The following RABGAP1L variants were observed in gnomAD, a reference collection of about 807,000 sequenced individuals.
RABGAP1L encodes rab GTPase-activating protein 1-like.
RABGAP1L carries 63 observed loss-of-function variants against 137.7 expected under a neutral mutation model. The ratio of observed to expected loss-of-function variants is 0.46; its 90% CI spans 0.37 to 0.56. RABGAP1L has a LOEUF of 0.56. Ranked by LOEUF, RABGAP1L falls within the 20% of genes least tolerant of loss-of-function variation. RABGAP1L has a pLI of 0.00. For synonymous variants in RABGAP1L, 431 were observed against 433.7 expected, an observed-to-expected ratio of 0.99 and a Z score of 0.08; for missense variants, 1,095 against 1,244.0, an observed-to-expected ratio of 0.88 and a Z score of 1.80.
intron 18 of RABGAP1L, among the ~76,000 whole-genome samples, chr1:174,769,264 A>G (rs1336183261): frequency 6.6e-6 from 1 of 152,052 alleles, no homozygotes; most frequent in East Asian, 1.9e-4. Flanking sequence ...GGTTGGGGGC[A>G]CAATCATAGG....
intron 1 of RABGAP1L, among the ~76,000 whole-genome samples, chr1:174,179,229 G>A (rs1666147572): frequency 6.6e-6 from 1 of 151,830 alleles, no homozygotes; most frequent in African/African-American, 2.4e-5. Context: ...ACTGTCAGTT[G>A]TTTTCTTCGA....
intron 13 of RABGAP1L, among the ~76,000 whole-genome samples, chr1:174,495,467 C>T (rs903295578): frequency 6.6e-6 from 1 of 152,138 alleles, no homozygotes; most frequent in African/African-American, 2.4e-5. Flanking sequence ...CTGAGACTTA[C>T]ATTTTATAAA....
At position 174,231,436 on chromosome 1, in the gene RABGAP1L, A is replaced by C. The variant is rs1017660373; in HGVS notation, c.542+81A>C. ...AAGATGTTATAGCATCATCAGGTGT[A>C]GAACTTACTGTGAACTCACACTGTA... On this transcript the variant is annotated intron_variant, in intron 4 of 25. Transcript: ENST00000681986. The C allele has an allele frequency of 6.2e-6, 8 of 1,289,752 alleles. No individual in the cohort carries two copies. The African/African-American group carries it at 1.0e-4, about 17-fold the overall frequency. The allele number at this position is 1,289,752 out of a possible 1,614,324, so 79.9% of individuals were successfully genotyped here.
intron 19 of RABGAP1L, among the ~76,000 whole-genome samples, chr1:174,886,893 G>A (rs1008282799): frequency 6.6e-6 from 1 of 150,898 alleles, no homozygotes; most frequent in African/African-American, 2.4e-5. Context: ...TGTAACCTTC[G>A]CCTTCCAGGT....
At chr1:174,644,342 C>T (rs764620605) in intron 14 of RABGAP1L, among the ~76,000 whole-genome samples, 16 of 151,898 alleles carry the variant, frequency 1.1e-4, no homozygotes, top group Non-Finnish European at 2.1e-4. Flanking sequence ...AGTCTTTCAA[C>T]TGAAAGCCTG....
intron 3 of RABGAP1L, among the ~76,000 whole-genome samples, chr1:174,228,032 G>C (rs1198356941): frequency 6.6e-6 from 1 of 150,974 alleles, no homozygotes; most frequent in African/African-American, 2.4e-5. Flanking sequence ...ATTCACCTGG[G>C]GAATATTTTA....
chr1:174,480,027 G>A (rs1408342783), intron 13 of RABGAP1L, among the ~76,000 whole-genome samples: 1 of 152,234 alleles, frequency 6.6e-6, no homozygotes, highest in East Asian at 1.9e-4. Flanking sequence ...CGGATAACTA[G>A]TGAGTTGTTT....
intron 19 of RABGAP1L, among the ~76,000 whole-genome samples, chr1:174,933,204 C>G (rs896824887): frequency 7.2e-5 from 11 of 152,166 alleles, no homozygotes; most frequent in African/African-American, 2.7e-4. Flanking sequence ...AGAGCTCATT[C>G]TAGTTTTTCA....
At chr1:174,259,610 C>T (rs2148624139) in intron 7 of RABGAP1L, among the ~76,000 whole-genome samples, 1 of 152,154 alleles carries the variant, frequency 6.6e-6, no homozygotes, top group East Asian at 1.9e-4. Context: ...CCAATAAAAT[C>T]CTATGTATTT....
Position 174,595,939 on chromosome 1 carries a change from C to T in RABGAP1L, c.1711-41436C>T, listed in dbSNP as rs1221565637. 8.6e-5 allele frequency among the ~76,000 whole-genome samples: 9 copies of T among 104,582 alleles called. 1 individual carries two copies. Among genetic ancestry groups the T allele is most frequent in the Middle Eastern group, 4.1e-3 (1 of 246 alleles). The allele number at this position is 104,582 out of a possible 152,430, so 68.6% of individuals were successfully genotyped here. A position where few individuals can be genotyped will look rare whatever the true frequency, so the allele number is the denominator to read the frequency against. On this transcript the variant is annotated intron_variant, in intron 13 of 25. Coordinates refer to ENST00000681986, the MANE Select transcript of RABGAP1L (RefSeq NM_001366446.1). ...CTAAGCAAGCCTTGGCAATGGCGGG[C>T]GCCCCTCCCCCAGCCTCGTTGCCGC...
chr1:174,281,799 A>G (rs1246297631), intron 10 of RABGAP1L, among the ~76,000 whole-genome samples: 1 of 152,176 alleles, frequency 6.6e-6, no homozygotes, highest in Non-Finnish European at 1.5e-5. Context: ...TGACAAATTT[A>G]TACACATGAA....
chr1:174,520,544 A>C (rs1663271788), intron 13 of RABGAP1L, among the ~76,000 whole-genome samples: 1 of 152,226 alleles, frequency 6.6e-6, no homozygotes, highest in Admixed American at 6.5e-5. Flanking sequence ...ACATAACTCT[A>C]CTTCACATTT....
intron 13 of RABGAP1L, among the ~76,000 whole-genome samples, chr1:174,514,175 A>G (rs1662592685): frequency 6.6e-6 from 1 of 151,424 alleles, no homozygotes; most frequent in Non-Finnish European, 1.5e-5. Flanking sequence ...AGGACTCATG[A>G]CAACAATGGA....
chr1:174,643,910 T>C (rs546844502), intron 14 of RABGAP1L, among the ~76,000 whole-genome samples: 19 of 137,340 alleles, frequency 1.4e-4, no homozygotes, highest in Non-Finnish European at 2.4e-4. Flanking sequence ...ACTTCACTTA[T>C]ATAGGGGTGT....
At position 174,433,052 on chromosome 1, in the gene RABGAP1L, C is replaced by T. The variant is rs536211832; in HGVS notation, c.1710+38907C>T. 1.8e-3 allele frequency among the ~76,000 whole-genome samples: 275 copies of T among 152,262 alleles called. 2 individuals carry two copies. Among genetic ancestry groups the T allele is most frequent in the African/African-American group, 6.3e-3 (262 of 41,554 alleles). ...GCTTTGAATGAATAGCCACTGTATGCTTTACATGCTTTAAGTTTTAGTTTT... is the reference window on the plus strand; with the variant it reads ...GCTTTGAATGAATAGCCACTGTATGTTTTACATGCTTTAAGTTTTAGTTTT... On this transcript the variant is annotated intron_variant, in intron 13 of 25. Coordinates refer to ENST00000681986, the MANE Select transcript of RABGAP1L (RefSeq NM_001366446.1).
chr1:174,750,280 G>C (rs1172201147), intron 17 of RABGAP1L, among the ~76,000 whole-genome samples: 1 of 152,120 alleles, frequency 6.6e-6, no homozygotes, highest in African/African-American at 2.4e-5. Context: ...TGTTAATGCT[G>C]GTCAGTTGTG....
At chr1:174,360,238 A>T (rs1001483848) in intron 11 of RABGAP1L, among the ~76,000 whole-genome samples, 5 of 98,848 alleles carry the variant, frequency 5.1e-5, no homozygotes, top group African/African-American at 4.5e-4. Flanking sequence ...GGATTGTTCA[A>T]AAGTTAAAAT....
chr1:174,442,524 G>T (rs1427174326), intron 13 of RABGAP1L, among the ~76,000 whole-genome samples: 2 of 152,112 alleles, frequency 1.3e-5, no homozygotes, highest in African/African-American at 2.4e-5. Flanking sequence ...ATGGAGGAAA[G>T]AATAGGACCT....
intron 13 of RABGAP1L, among the ~76,000 whole-genome samples, chr1:174,575,449 T>C (rs184922931): frequency 6.6e-6 from 1 of 152,240 alleles, no homozygotes; most frequent in East Asian, 1.9e-4. Context: ...GGAACCTCAT[T>C]CCATCCCCAG....
Sources: gnomAD v4.1 joint callset for allele counts (sites outside exome capture counted in the v4.1 genomes callset) on GRCh38, gnomAD v4.1.1 for gene constraint, MANE v1.5 for transcripts, NCBI Gene and HGNC (gene_info 2026-07-23, HGNC 2026-07-21) for gene names.